Variants in LYPLAL1 observed in about 807,000 individuals in gnomAD.
LYPLAL1 encodes the protein lysophospholipase like 1, also known as lysophospholipase-like protein 1.
A neutral mutation model predicts 19.7 loss-of-function variants in LYPLAL1; 23 were observed. That is an observed-to-expected ratio of 1.17 (90% CI 0.84 to 1.65). LYPLAL1 has a LOEUF of 1.65. Among genes scored for constraint, LYPLAL1 ranks in the 40% most tolerant of loss-of-function variants. LYPLAL1 has a pLI of 0.00. For missense variants in LYPLAL1, 355 were observed against 279.4 expected, an observed-to-expected ratio of 1.27 and a Z score of -1.93; for synonymous variants, 119 against 96.3, an observed-to-expected ratio of 1.24 and a Z score of -1.38.
chr1:219,176,331 A>C (rs951208885), intron 1 of LYPLAL1, among the ~76,000 whole-genome samples: 1 of 152,098 alleles, frequency 6.6e-6, no homozygotes, highest in Admixed American at 6.6e-5. Context: ...ATGTAATGTA[A>C]TGTCTGTATT....
the LYPLAL1 span, among the ~76,000 whole-genome samples, chr1:219,259,060 T>C: frequency 6.6e-6 from 1 of 151,280 alleles, no homozygotes; most frequent in Admixed American, 6.6e-5. Context: ...AAAACAACAA[T>C]GCAATGCCAC....
At chr1:219,410,973 C>T in the LYPLAL1 span, among the ~76,000 whole-genome samples, 4 of 152,224 alleles carry the variant, frequency 2.6e-5, no homozygotes, top group East Asian at 1.9e-4. Context: ...GCCTCCCCGA[C>T]GAGCGCCACC....
the LYPLAL1 span, among the ~76,000 whole-genome samples, chr1:219,310,637 A>C: frequency 6.6e-6 from 1 of 152,240 alleles, no homozygotes; most frequent in Admixed American, 6.5e-5. Flanking sequence ...CATGCTATGA[A>C]TTATAGAGTA....
chr1:219,271,159 G>C, the LYPLAL1 span: 1 of 152,348 alleles, frequency 6.6e-6, no homozygotes, highest in African/African-American at 2.4e-5. Flanking sequence ...GGTCAGGCTG[G>C]TCTTGAACTC....
chr1:219,417,252 T>C, the LYPLAL1 span, among the ~76,000 whole-genome samples: 1 of 152,226 alleles, frequency 6.6e-6, no homozygotes, highest in African/African-American at 2.4e-5. Context: ...GTTTTTGTTT[T>C]GTGAGCCAGC....
At chr1:219,424,606 CAT>C in the LYPLAL1 span, among the ~76,000 whole-genome samples, 1 of 152,164 alleles carries the variant, frequency 6.6e-6, no homozygotes, top group African/African-American at 2.4e-5. Flanking sequence ...AGAAATAACA[CAT>C]GTCCTGATGA....
chr1:219,337,184 A>C, the LYPLAL1 span, among the ~76,000 whole-genome samples: 1 of 151,960 alleles, frequency 6.6e-6, no homozygotes, highest in Non-Finnish European at 1.5e-5. Context: ...AACCAGGATT[A>C]TCTCTCTTGT....
the LYPLAL1 span, among the ~76,000 whole-genome samples, chr1:219,393,641 T>A: frequency 3.3e-5 from 5 of 152,096 alleles, no homozygotes; most frequent in Non-Finnish European, 7.4e-5. Context: ...ATATAACTGT[T>A]AATAATGAGT....
chr1:219,386,285 G>A, the LYPLAL1 span, among the ~76,000 whole-genome samples: 2 of 152,306 alleles, frequency 1.3e-5, no homozygotes, highest in Admixed American at 6.5e-5. Context: ...TTACTGTAGA[G>A]AAGAGAGGGT....
the LYPLAL1 span, among the ~76,000 whole-genome samples, chr1:219,221,575 G>A: frequency 2.0e-5 from 3 of 152,154 alleles, no homozygotes; most frequent in Non-Finnish European, 4.4e-5. Flanking sequence ...CCACCGAATA[G>A]TAAACTAATA....
chr1:219,331,095 T>C, the LYPLAL1 span, among the ~76,000 whole-genome samples: 1 of 152,304 alleles, frequency 6.6e-6, no homozygotes, highest in South Asian at 2.1e-4. Flanking sequence ...TTTGTGCTCT[T>C]GCCAGTATAC....
chr1:219,242,814 C>T, the LYPLAL1 span, among the ~76,000 whole-genome samples: 3 of 151,902 alleles, frequency 2.0e-5, no homozygotes, highest in Admixed American at 1.3e-4. Flanking sequence ...GGGCAAATAA[C>T]AGTGGAAATT....
chr1:219,224,171 G>C, the LYPLAL1 span, among the ~76,000 whole-genome samples: 3 of 152,138 alleles, frequency 2.0e-5, no homozygotes, highest in Non-Finnish European at 4.4e-5. Context: ...TATTAAGCCA[G>C]CTTCTCGATT....
chr1:219,305,483 G>A, the LYPLAL1 span, among the ~76,000 whole-genome samples: 1 of 152,146 alleles, frequency 6.6e-6, no homozygotes, highest in Non-Finnish European at 1.5e-5. Flanking sequence ...TATAAAGGAT[G>A]TTTTGGGGTC....
chr1:219,190,950 C>T (rs1404264721), intron 2 of LYPLAL1, among the ~76,000 whole-genome samples: 1 of 151,522 alleles, frequency 6.6e-6, no homozygotes, highest in Non-Finnish European at 1.5e-5. Flanking sequence ...TGTTCTGTAT[C>T]ATTGTGGAGA....
the LYPLAL1 span, among the ~76,000 whole-genome samples, chr1:219,333,583 G>A: frequency 4.6e-5 from 7 of 151,954 alleles, no homozygotes; most frequent in African/African-American, 1.7e-4. Flanking sequence ...ATTAACCCAA[G>A]AGAAAGATTT....
chr1:219,291,764 A>G, the LYPLAL1 span, among the ~76,000 whole-genome samples: 3 of 147,682 alleles, frequency 2.0e-5, no homozygotes, highest in Non-Finnish European at 4.5e-5. Flanking sequence ...CAGGGTTACA[A>G]ATGCCTTCAT....
the LYPLAL1 span, among the ~76,000 whole-genome samples, chr1:219,233,981 C>T: frequency 6.6e-6 from 1 of 152,006 alleles, no homozygotes; most frequent in African/African-American, 2.4e-5. Context: ...GGTGATGGGG[C>T]AGAGGAGGAG....
chr1:219,354,068 G>C, the LYPLAL1 span, among the ~76,000 whole-genome samples: 1 of 152,164 alleles, frequency 6.6e-6, no homozygotes, highest in Non-Finnish European at 1.5e-5. Context: ...CCAAACTGAA[G>C]TACAGAGAAG....
Sources: allele counts gnomAD v4.1 joint callset (sites outside exome capture counted in the v4.1 genomes callset), GRCh38; gene constraint gnomAD v4.1.1; transcripts MANE v1.5; gene names NCBI Gene and HGNC (gene_info 2026-07-23, HGNC 2026-07-21).